NAALADL2: variants seen among roughly 807,000 people sequenced by gnomAD.
NAALADL2 encodes the protein N-acetylated alpha-linked acidic dipeptidase like 2.
A neutral mutation model predicts 87.2 loss-of-function variants in NAALADL2; 76 were observed. The ratio of observed to expected loss-of-function variants is 0.87; its 90% CI spans 0.72 to 1.05. The LOEUF (loss-of-function observed/expected upper bound fraction) is 1.05. Among genes scored for constraint, NAALADL2 ranks in the 50% least tolerant of loss-of-function variants. The probability of loss-of-function intolerance (pLI) is 0.00; values close to 1 mark genes in which losing one functional copy is unlikely to be tolerated. For synonymous variants in NAALADL2, 354 were observed against 331.0 expected (o/e 1.07, Z -0.75); for missense variants, 1,089 against 945.8 (o/e 1.15, Z -1.99).
chr3:174,812,597 T>G (rs941956290), intron 3 of NAALADL2, among the ~76,000 whole-genome samples: 1 of 152,112 alleles, frequency 6.6e-6, no homozygotes, highest in Non-Finnish European at 1.5e-5. Flanking sequence ...CTCAGGCAGG[T>G]TCTTCAAGAG....
intron 4 of NAALADL2, among the ~76,000 whole-genome samples, chr3:175,305,935 A>G (rs944650691): frequency 3.9e-5 from 6 of 152,064 alleles, no homozygotes; most frequent in African/African-American, 1.2e-4. Flanking sequence ...GCTGGCGTCT[A>G]TTTGCTTATT....
intron 2 of NAALADL2, among the ~76,000 whole-genome samples, chr3:175,188,408 G>T (rs183290596): frequency 1.3e-5 from 2 of 152,070 alleles, no homozygotes; most frequent in Admixed American, 1.3e-4. Context: ...CAGATTCTTC[G>T]CAAAGCAGGG....
At chr3:175,015,294 A>C (rs911592047) in intron 1 of NAALADL2, among the ~76,000 whole-genome samples, 2 of 152,066 alleles carry the variant, frequency 1.3e-5, no homozygotes, top group African/African-American at 4.8e-5. Flanking sequence ...CAATTAACCT[A>C]TGTATATGTA....
At chr3:175,051,085 G>T (rs1233888978) in intron 1 of NAALADL2, among the ~76,000 whole-genome samples, 2 of 152,124 alleles carry the variant, frequency 1.3e-5, no homozygotes, top group Non-Finnish European at 2.9e-5. Context: ...TCCTCTTTCA[G>T]TTCAATAAGA....
chr3:175,148,114 T>TAAC (rs1473517915), intron 2 of NAALADL2, among the ~76,000 whole-genome samples: 1 of 144,300 alleles, frequency 6.9e-6, no homozygotes, highest in African/African-American at 2.6e-5. Context: ...ATAATAATAA[T>TAAC]AATAATAATA....
chr3:175,095,760 C>T (rs1384703253), intron 1 of NAALADL2, among the ~76,000 whole-genome samples: 1 of 152,028 alleles, frequency 6.6e-6, no homozygotes, highest in African/African-American at 2.4e-5. Flanking sequence ...TTGCCCACCA[C>T]AGTGGGACAC....
chr3:175,375,403 G>A (rs1323035835), intron 5 of NAALADL2, among the ~76,000 whole-genome samples: 2 of 152,092 alleles, frequency 1.3e-5, no homozygotes, highest in African/African-American at 2.4e-5. Flanking sequence ...GCAGTGTTGT[G>A]TCTGCCAACT....
At chr3:174,750,214 C>T (rs1481958898) in intron 3 of NAALADL2, among the ~76,000 whole-genome samples, 2 of 152,112 alleles carry the variant, frequency 1.3e-5, no homozygotes, top group Non-Finnish European at 1.5e-5. Context: ...TAAGAATGGG[C>T]ACTATATAGC....
intron 4 of NAALADL2, among the ~76,000 whole-genome samples, chr3:175,283,595 G>T (rs1560288642): frequency 6.6e-6 from 1 of 152,032 alleles, no homozygotes; most frequent in African/African-American, 2.4e-5. Context: ...ATTATTTGCA[G>T]TTAAGGTAGC....
At chr3:174,735,886 T>C (rs1230259631) in intron 2 of NAALADL2, among the ~76,000 whole-genome samples, 1 of 152,160 alleles carries the variant, frequency 6.6e-6, no homozygotes. Flanking sequence ...AGGCTGCGCT[T>C]GGCTCACACT....
chr3:175,067,876 T>G (rs1360711549), intron 1 of NAALADL2, among the ~76,000 whole-genome samples: 2 of 152,116 alleles, frequency 1.3e-5, no homozygotes, highest in Non-Finnish European at 2.9e-5. Context: ...AAAGAAAATG[T>G]GGTATATATA....
chr3:175,191,452 G>T (rs899469656), intron 2 of NAALADL2, among the ~76,000 whole-genome samples: 2 of 152,108 alleles, frequency 1.3e-5, no homozygotes, highest in African/African-American at 2.4e-5. Flanking sequence ...TCAAGGAAAT[G>T]TTCTAATTTT....
chr3:175,133,614 C>A (rs1046944661), intron 2 of NAALADL2, among the ~76,000 whole-genome samples: 4 of 152,154 alleles, frequency 2.6e-5, no homozygotes. Flanking sequence ...CGCAGGCACT[C>A]GGCAGGCTGA....
At chr3:175,147,591 G>T (rs201221461) in intron 2 of NAALADL2, among the ~76,000 whole-genome samples, 2 of 2,588 alleles carry the variant, frequency 7.7e-4, no homozygotes, top group African/African-American at 1.5e-3. Flanking sequence ...GTTTATTTTT[G>T]GGGGGGGTAT....
intron 9 of NAALADL2, among the ~76,000 whole-genome samples, chr3:175,489,727 A>G (rs1727781908): frequency 6.6e-6 from 1 of 152,168 alleles, no homozygotes; most frequent in South Asian, 2.1e-4. Context: ...TGTTGAGTGA[A>G]AACAATTAAG....
chr3:175,344,133 C>T (rs6793678), intron 5 of NAALADL2, among the ~76,000 whole-genome samples: 60,625 of 151,862 alleles, frequency 0.4, 12,506 homozygotes, highest in East Asian at 0.65. Flanking sequence ...ATTCTACTAG[C>T]GGTGAAGTAA....
chr3:175,563,436 C>A (rs944770194), intron 9 of NAALADL2, among the ~76,000 whole-genome samples: 12 of 152,170 alleles, frequency 7.9e-5, no homozygotes, highest in African/African-American at 2.9e-4. Context: ...ATTCATAAAA[C>A]TACCTGAGGT....
chr3:175,334,332 A>C (rs1761753427), intron 5 of NAALADL2, among the ~76,000 whole-genome samples: 1 of 151,970 alleles, frequency 6.6e-6, no homozygotes, highest in Admixed American at 6.6e-5. Context: ...TTCAATTCCA[A>C]CCCAGCTTGT....
chr3:175,483,462 G>T (rs1184211363), intron 9 of NAALADL2, among the ~76,000 whole-genome samples: 1 of 149,802 alleles, frequency 6.7e-6, no homozygotes, highest in Non-Finnish European at 1.5e-5. Flanking sequence ...TCAAGTGCTT[G>T]TACCTAATAT....
Sources: gnomAD v4.1 joint callset for allele counts (sites outside exome capture counted in the v4.1 genomes callset) on GRCh38, gnomAD v4.1.1 for gene constraint, MANE v1.5 for transcripts, NCBI Gene and HGNC (gene_info 2026-07-23, HGNC 2026-07-21) for gene names.